The following PIP5K1C variants were observed in gnomAD, a reference collection of about 807,000 sequenced individuals.
PIP5K1C encodes phosphatidylinositol 4-phosphate 5-kinase type-1 gamma.
A neutral mutation model predicts 80.1 loss-of-function variants in PIP5K1C; 45 were observed. The observed-to-expected ratio is 0.56, with a 90% confidence interval of 0.44 to 0.72. PIP5K1C has a LOEUF of 0.72. Ranked by LOEUF, PIP5K1C falls within the 30% of genes least tolerant of loss-of-function variation. PIP5K1C has a pLI of 0.00. For synonymous variants in PIP5K1C, 498 were observed against 420.1 expected (o/e 1.19, Z -2.27); for missense variants, 753 against 954.6 (o/e 0.79, Z 2.78).
At chr19:3,641,049 G>A (rs2033940275) in intron 15 of PIP5K1C, among the ~76,000 whole-genome samples, 1 of 151,720 alleles carries the variant, frequency 6.6e-6, no homozygotes, top group African/African-American at 2.4e-5. Context: ...TGTCTTTACT[G>A]AAAACACACA....
chr19:3,675,180 CTG>C (rs1271869551), intron 1 of PIP5K1C, among the ~76,000 whole-genome samples: 2 of 152,150 alleles, frequency 1.3e-5, no homozygotes, highest in Admixed American at 1.3e-4. Context: ...CTGAACAACT[CTG>C]TGAATACGCC....
At chr19:3,667,213 G>T in intron 2 of PIP5K1C, 109 bp downstream of exon 2, 1 of 915,074 alleles carries the variant, frequency 1.1e-6, no homozygotes, top group Non-Finnish European at 1.8e-6. Context: ...GGCATTTGGG[G>T]CCCAGAGAGG....
In PIP5K1C at chr19:3,688,760, G is replaced by A. The variant is rs1193724730; in HGVS notation, c.94+11537C>T. Among the ~76,000 whole-genome samples the A allele has an allele frequency of 2.6e-5, 4 of 152,042 alleles. No homozygotes were observed. The highest frequency in any genetic ancestry group is 4.4e-5 in the Non-Finnish European group (3 of 68,004). On this transcript the variant is annotated intron_variant, in intron 1 of 17. Transcript: ENST00000335312. The surrounding 1 kb of genome is among the most constrained non-coding windows in gnomAD (Gnocchi z 5.3). ...AGAGAGAGAGAGAGGAGAGTGGGGG[G>A]AGAACGAGAGCGAGAGACACACCGA...
At chr19:3,639,146 C>T in intron 15 of PIP5K1C, 130 bp from the exon 16 acceptor site, 1 of 1,088,562 alleles carries the variant, frequency 9.2e-7, no homozygotes, top group Admixed American at 2.0e-5. Flanking sequence ...CAGCTGACCA[C>T]AGGCCGCGCG....
intron 7 of PIP5K1C, among the ~76,000 whole-genome samples, chr19:3,652,329 G>A (rs1041102870): frequency 7.9e-5 from 12 of 152,386 alleles, no homozygotes; most frequent in South Asian, 2.1e-4. Flanking sequence ...TGAGAGACAG[G>A]GAGCCGGGCC....
intron 2 of PIP5K1C, among the ~76,000 whole-genome samples, chr19:3,666,065 G>A (rs957306063): frequency 2.6e-5 from 4 of 152,236 alleles, no homozygotes; most frequent in South Asian, 2.1e-4. Context: ...CCCGCCACCC[G>A]GGCCACCCTC....
Position 3,637,097 on chromosome 19 carries a change from C to A in PIP5K1C, c.1920+1787G>T. ...TGGCCCTGCGGTTCAGAGCCCGGCCCTGCAGCCACTCTGCTGACCTGTGCA... is the reference window on the plus strand; with the variant it reads ...TGGCCCTGCGGTTCAGAGCCCGGCCATGCAGCCACTCTGCTGACCTGTGCA... On this transcript the variant is annotated intron_variant, in intron 16 of 17. Transcript: ENST00000335312. This position sits in a 1 kb window ranked among gnomAD's most constrained non-coding sequence, Gnocchi z 7.0. 7.7e-7 allele frequency: 1 copy of A among 1,298,488 alleles called. No homozygotes were observed. The allele number at this position is 1,298,488 out of a possible 1,614,324, so 80.4% of individuals were successfully genotyped here.
chr19:3,638,862 AG>A, intron 16 of PIP5K1C, 21 bp downstream of exon 16: 2 of 1,612,864 alleles, frequency 1.2e-6, no homozygotes, highest in Non-Finnish European at 1.7e-6. Context: ...AGCCGGCGGC[AG>A]GAGGAGCCCG....
rs1051248476 is a variant in PIP5K1C, at chr19:3,692,970, C to T, written c.94+7327G>A. Among the ~76,000 whole-genome samples the T allele has an allele frequency of 5.3e-5, 8 of 152,098 alleles. No homozygotes were observed. The East Asian group carries it at 1.4e-3, about 26-fold the overall frequency. Reference sequence around the variant, plus strand: ...TGGATCTCTGTTCAAGTGTGGCCCCCGAGTCCCCAGCCTTGAGGGCACCTC... The same window carrying T: ...TGGATCTCTGTTCAAGTGTGGCCCCTGAGTCCCCAGCCTTGAGGGCACCTC... On this transcript the variant is annotated intron_variant, in intron 1 of 17. Coordinates refer to ENST00000335312, the MANE Select transcript of PIP5K1C (RefSeq NM_012398.3). This position sits in a 1 kb window ranked among gnomAD's most constrained non-coding sequence, Gnocchi z 5.2.
chr19:3,651,801 G>C (rs980857254), intron 8 of PIP5K1C, 25 bp downstream of exon 8: 21 of 1,604,298 alleles, frequency 1.3e-5, no homozygotes, highest in Non-Finnish European at 1.7e-5. Flanking sequence ...AGCGGGACGG[G>C]TCCGGCGGCC....
chr19:3,680,311 CT>C (rs2035549230), intron 1 of PIP5K1C, among the ~76,000 whole-genome samples: 1 of 152,096 alleles, frequency 6.6e-6, no homozygotes, highest in African/African-American at 2.4e-5. Context: ...ACTGTCTTTT[CT>C]TTTTTCTTTT....
intron 16 of PIP5K1C, chr19:3,638,051 G>A: frequency 1.4e-5 from 20 of 1,470,434 alleles, no homozygotes; most frequent in Non-Finnish European, 1.8e-5. Flanking sequence ...GCGAGGAGGT[G>A]CCCCCACAAC....
At chr19:3,687,405 G>A (rs953742957) in intron 1 of PIP5K1C, among the ~76,000 whole-genome samples, 5 of 151,728 alleles carry the variant, frequency 3.3e-5, no homozygotes, top group Admixed American at 6.6e-5. Context: ...GTGCAATAAG[G>A]AATATGTCCC....
rs527404669 is a variant in PIP5K1C at position 3,700,102 on chromosome 19, G to C, written c.94+195C>G. On this transcript the variant is annotated intron_variant, in intron 1 of 17. Coordinates refer to ENST00000335312, the MANE Select transcript of PIP5K1C (RefSeq NM_012398.3). Reference sequence around the variant, plus strand: ...CGGGAGCGGTGGGAGGTAGCCCCTCGCAGGCCTCCCGCTTCCCGGCGCGGC... The same window carrying C: ...CGGGAGCGGTGGGAGGTAGCCCCTCCCAGGCCTCCCGCTTCCCGGCGCGGC... Among the ~76,000 whole-genome samples the C allele has an allele frequency of 5.5e-4, 84 of 152,004 alleles. 1 individual carries two copies. The highest frequency in any genetic ancestry group is 2.0e-3 in the African/African-American group (81 of 41,498).
intron 11 of PIP5K1C, among the ~76,000 whole-genome samples, chr19:3,644,597 C>T (rs1340171695): frequency 6.6e-6 from 1 of 152,210 alleles, no homozygotes; most frequent in Non-Finnish European, 1.5e-5. Flanking sequence ...CGGCCCAGCC[C>T]GGGCAGGGCC....
chr19:3,687,751 G>T (rs2035807964), intron 1 of PIP5K1C, among the ~76,000 whole-genome samples: 2 of 152,146 alleles, frequency 1.3e-5, no homozygotes, highest in Non-Finnish European at 1.5e-5. Context: ...CGAGTAGTAG[G>T]CCGCCCCTCT....
chr19:3,639,409 T>C (rs2145385434), intron 15 of PIP5K1C, among the ~76,000 whole-genome samples: 1 of 152,286 alleles, frequency 6.6e-6, no homozygotes, highest in South Asian at 2.1e-4. Flanking sequence ...ACCTAGCCGC[T>C]GGGATCAGAG....
At chr19:3,664,092 C>T (rs2034927149) in intron 3 of PIP5K1C, among the ~76,000 whole-genome samples, 1 of 152,228 alleles carries the variant, frequency 6.6e-6, no homozygotes, top group Admixed American at 6.5e-5. Context: ...CCTGAGGACG[C>T]TACACTCAGT....
chr19:3,657,275 G>T (rs1014485097), intron 5 of PIP5K1C, among the ~76,000 whole-genome samples: 1 of 152,218 alleles, frequency 6.6e-6, no homozygotes, highest in Non-Finnish European at 1.5e-5. Context: ...CGTGCAGGTG[G>T]AAGTTTTTTT....
Sources: allele counts gnomAD v4.1 joint callset (sites outside exome capture counted in the v4.1 genomes callset), GRCh38; gene constraint gnomAD v4.1.1; non-coding constraint Gnocchi (gnomAD v3.1); transcripts MANE v1.5; gene names NCBI Gene and HGNC (gene_info 2026-07-23, HGNC 2026-07-21).